PTPRT: variants seen among roughly 807,000 people sequenced by gnomAD.
The protein encoded by PTPRT is protein tyrosine phosphatase receptor type T.
Under a neutral mutation model 176.8 loss-of-function variants are expected in PTPRT, and 56 were observed. The ratio of observed to expected loss-of-function variants is 0.32; its 90% confidence interval spans 0.26 to 0.40. The LOEUF is 0.40. Ranked by LOEUF, PTPRT falls within the 10% of genes least tolerant of loss-of-function variation. The pLI is 1.00. For synonymous variants in PTPRT, 783 were observed against 739.0 expected, an observed-to-expected ratio of 1.06 and a Z score of -0.96; for missense variants, 1,540 against 1,908.2, an observed-to-expected ratio of 0.81 and a Z score of 3.60.
chr20:42,965,818 G>A (rs538848661), intron 1 of PTPRT, among the ~76,000 whole-genome samples: 1 of 152,254 alleles, frequency 6.6e-6, no homozygotes, highest in East Asian at 1.9e-4. Flanking sequence ...ATTTTCTTTG[G>A]GGACAGTGGA....
chr20:42,873,467 G>A (rs780509412), intron 2 of PTPRT, among the ~76,000 whole-genome samples: 9 of 152,268 alleles, frequency 5.9e-5, no homozygotes, highest in Non-Finnish European at 1.2e-4. Context: ...TACAAGTGAC[G>A]TCATAAAAAT....
intron 7 of PTPRT, among the ~76,000 whole-genome samples, chr20:42,605,723 G>A (rs932488119): frequency 1.3e-5 from 2 of 152,316 alleles, no homozygotes; most frequent in Middle Eastern, 6.8e-3. Flanking sequence ...CTGCTGTGGG[G>A]AGGAATGTGG....
chr20:42,935,012 G>A (rs1169078944), intron 1 of PTPRT, among the ~76,000 whole-genome samples: 1 of 150,864 alleles, frequency 6.6e-6, no homozygotes. Context: ...AGGAGGTGGA[G>A]GTTGCAGTGA....
At chr20:42,502,072 T>A (rs1455447241) in intron 7 of PTPRT, among the ~76,000 whole-genome samples, 1 of 152,146 alleles carries the variant, frequency 6.6e-6, no homozygotes, top group Non-Finnish European at 1.5e-5. Context: ...GATTCATTTT[T>A]TAAAATTATA....
chr20:43,091,703 G>C (rs2011880463), intron 1 of PTPRT, among the ~76,000 whole-genome samples: 1 of 152,120 alleles, frequency 6.6e-6, no homozygotes, highest in African/African-American at 2.4e-5. Context: ...ATAAAAGAAG[G>C]TTGGGGATTC....
chr20:42,905,593 T>C (rs1263887443), intron 1 of PTPRT, among the ~76,000 whole-genome samples: 2 of 152,356 alleles, frequency 1.3e-5, no homozygotes, highest in East Asian at 1.9e-4. Context: ...TTATAAATCA[T>C]GCTACTATAA....
chr20:42,118,330 T>C (rs1487092364), intron 21 of PTPRT, 73 bp downstream of exon 21: 12 of 1,355,434 alleles, frequency 8.9e-6, no homozygotes, highest in South Asian at 1.4e-5. Context: ...CTTAGCACGA[T>C]GCATGGAACA....
chr20:42,042,451 A>G, the PTPRT span, among the ~76,000 whole-genome samples: 2 of 152,198 alleles, frequency 1.3e-5, no homozygotes, highest in Admixed American at 6.5e-5. Context: ...TCTTTTAAAA[A>G]TAATTCAGAA....
intron 7 of PTPRT, among the ~76,000 whole-genome samples, chr20:42,595,316 C>A (rs529578504): frequency 3.3e-5 from 5 of 152,152 alleles, no homozygotes; most frequent in Admixed American, 2.6e-4. Flanking sequence ...CCAGAAAATT[C>A]TTTTCTTGTG....
At chr20:42,654,793 G>A (rs940966962) in intron 7 of PTPRT, among the ~76,000 whole-genome samples, 1 of 152,184 alleles carries the variant, frequency 6.6e-6, no homozygotes, top group Non-Finnish European at 1.5e-5. Context: ...CAGCTGGTAA[G>A]TAGTGAGATG....
At chr20:42,792,973 T>C (rs540675426) in intron 2 of PTPRT, among the ~76,000 whole-genome samples, 1 of 152,342 alleles carries the variant, frequency 6.6e-6, no homozygotes, top group African/African-American at 2.4e-5. Context: ...CAAATTAGAC[T>C]TTCTGCATGT....
intron 1 of PTPRT, among the ~76,000 whole-genome samples, chr20:43,154,257 T>C (rs2014451501): frequency 6.6e-6 from 1 of 152,226 alleles, no homozygotes. Context: ...CTTTCCCGAA[T>C]ACCATTTACT....
At chr20:42,817,491 AG>A (rs1314400026) in intron 2 of PTPRT, among the ~76,000 whole-genome samples, 2 of 152,208 alleles carry the variant, frequency 1.3e-5, no homozygotes, top group Non-Finnish European at 1.5e-5. Context: ...GATATGAAAA[AG>A]AAATATATGT....
intron 27 of PTPRT, among the ~76,000 whole-genome samples, chr20:42,095,744 T>C (rs969305604): frequency 6.6e-6 from 1 of 152,238 alleles, no homozygotes; most frequent in Non-Finnish European, 1.5e-5. Context: ...GCATGAGAGA[T>C]GGCAATTTTT....
At chr20:42,095,117 C>T (rs890449501) in intron 27 of PTPRT, among the ~76,000 whole-genome samples, 4 of 152,178 alleles carry the variant, frequency 2.6e-5, no homozygotes, top group African/African-American at 9.7e-5. Context: ...GTTCAACCAA[C>T]CTCACCTGCC....
At chr20:42,060,440 G>A in the PTPRT span, among the ~76,000 whole-genome samples, 1 of 152,140 alleles carries the variant, frequency 6.6e-6, no homozygotes, top group Non-Finnish European at 1.5e-5. Flanking sequence ...GATATGGTTT[G>A]GCTGTGTCCC....
At chr20:42,546,306 G>C (rs1484624075) in intron 7 of PTPRT, among the ~76,000 whole-genome samples, 1 of 152,134 alleles carries the variant, frequency 6.6e-6, no homozygotes, top group Non-Finnish European at 1.5e-5. Context: ...GTGAGGTACA[G>C]AATGGCTGGA....
At chr20:42,208,852 C>A (rs1380096724) in intron 15 of PTPRT, among the ~76,000 whole-genome samples, 7 of 152,122 alleles carry the variant, frequency 4.6e-5, no homozygotes, top group Admixed American at 4.6e-4. Flanking sequence ...TTTTTTTCAG[C>A]ACCACACCAC....
At chr20:42,506,816 C>T (rs1255418378) in intron 7 of PTPRT, among the ~76,000 whole-genome samples, 2 of 152,138 alleles carry the variant, frequency 1.3e-5, no homozygotes, top group Non-Finnish European at 2.9e-5. Flanking sequence ...GAGTCTTGTA[C>T]TTTTCCCTGC....
Sources: gnomAD v4.1 joint callset for allele counts (sites outside exome capture counted in the v4.1 genomes callset) on GRCh38, gnomAD v4.1.1 for gene constraint, MANE v1.5 for transcripts, NCBI Gene and HGNC (gene_info 2026-07-23, HGNC 2026-07-21) for gene names.